The following PSMB7 variants were observed in gnomAD, a reference collection of about 807,000 sequenced individuals.
PSMB7 encodes proteasome subunit beta type-7.
In PSMB7, 5 loss-of-function variants were observed where a neutral mutation model predicts 28.1. That is an observed-to-expected ratio of 0.18 (90% CI 0.09 to 0.37). The LOEUF (loss-of-function observed/expected upper bound fraction) is 0.37. Among genes scored for constraint, PSMB7 ranks in the 10% least tolerant of loss-of-function variants. PSMB7 has a pLI of 1.00. For missense variants in PSMB7, 275 were observed against 346.2 expected (o/e 0.79, Z 1.63); for synonymous variants, 122 against 123.7 (o/e 0.99, Z 0.09).
chr9:124,412,788 G>C (rs1348877530), intron 3 of PSMB7, among the ~76,000 whole-genome samples: 2 of 152,168 alleles, frequency 1.3e-5, no homozygotes, highest in Non-Finnish European at 2.9e-5. Flanking sequence ...TTGTACAGAA[G>C]TGCCAGGTGT....
At chr9:124,363,847 G>C (rs1487910783) in intron 6 of PSMB7, among the ~76,000 whole-genome samples, 1 of 152,136 alleles carries the variant, frequency 6.6e-6, no homozygotes, top group Non-Finnish European at 1.5e-5. Flanking sequence ...CTAGGTCACT[G>C]AGTGATGCCT....
chr9:124,401,891 T>C lies in PSMB7; in HGVS notation c.511+3426A>G, dbSNP rs190137404. Among the ~76,000 whole-genome samples the C allele has an allele frequency of 2.8e-3, 425 of 152,108 alleles. 1 individual carries two copies. The highest frequency in any genetic ancestry group is 9.8e-3 in the African/African-American group (407 of 41,496). On this transcript the variant is annotated intron_variant, in intron 5 of 7. Coordinates refer to ENST00000259457, the MANE Select transcript of PSMB7 (RefSeq NM_002799.4). ...AAAATTAGCTGAGCATGGTGGTGCA[T>C]GCCTATAGTCCCAGCTACTCGGGAG...
intron 3 of PSMB7, 50 bp from the exon 4 acceptor site, chr9:124,412,542 C>T (rs1831039772): frequency 6.3e-7 from 1 of 1,598,444 alleles, no homozygotes; most frequent in Non-Finnish European, 8.6e-7. Flanking sequence ...CCAGAGGGCT[C>T]AATTAGAAGT....
intron 6 of PSMB7, among the ~76,000 whole-genome samples, chr9:124,367,096 T>G (rs991786016): frequency 1.3e-5 from 2 of 150,938 alleles, no homozygotes; most frequent in African/African-American, 4.9e-5. Flanking sequence ...CAGAGAGGAG[T>G]TGATGATAAT....
At chr9:124,387,683 C>T (rs1830740127) in intron 5 of PSMB7, among the ~76,000 whole-genome samples, 1 of 152,150 alleles carries the variant, frequency 6.6e-6, no homozygotes, top group Non-Finnish European at 1.5e-5. Context: ...GAAAGGAGGA[C>T]TTTGGCGCCC....
chr9:124,369,170 CTG>C (rs1830537682), intron 6 of PSMB7, among the ~76,000 whole-genome samples: 1 of 152,184 alleles, frequency 6.6e-6, no homozygotes, highest in Non-Finnish European at 1.5e-5. Context: ...TTTTAAAAAT[CTG>C]TACCACTAGG....
At chr9:124,387,323 ATAACACAC>A (rs1417475990) in intron 5 of PSMB7, among the ~76,000 whole-genome samples, 1 of 152,222 alleles carries the variant, frequency 6.6e-6, no homozygotes, top group East Asian at 1.9e-4. Flanking sequence ...ATAAGTGGAA[ATAACACAC>A]TAAACCCACA....
chr9:124,359,399 C>CT (rs1199418183), intron 6 of PSMB7, among the ~76,000 whole-genome samples: 2 of 152,212 alleles, frequency 1.3e-5, no homozygotes, highest in African/African-American at 4.8e-5. Flanking sequence ...TACCAGCACT[C>CT]TAACGTGCCA....
intron 5 of PSMB7, among the ~76,000 whole-genome samples, chr9:124,403,940 G>A (rs1830937694): frequency 7.1e-6 from 1 of 141,844 alleles, no homozygotes; most frequent in African/African-American, 2.6e-5. Flanking sequence ...TGCCCAAGAT[G>A]TAGTACAATG....
chr9:124,403,648 T>A (rs1476448026), intron 5 of PSMB7, among the ~76,000 whole-genome samples: 1 of 152,216 alleles, frequency 6.6e-6, no homozygotes, highest in Non-Finnish European at 1.5e-5. Flanking sequence ...GCACATGCTT[T>A]ATATACGTTA....
intron 6 of PSMB7, among the ~76,000 whole-genome samples, chr9:124,381,113 C>T (rs933651315): frequency 6.6e-6 from 1 of 152,214 alleles, no homozygotes; most frequent in East Asian, 1.9e-4. Context: ...TCTCAACTGA[C>T]ATTTCAAACG....
At chr9:124,360,473 G>A (rs568929390) in intron 6 of PSMB7, among the ~76,000 whole-genome samples, 5 of 152,364 alleles carry the variant, frequency 3.3e-5, no homozygotes, top group Admixed American at 6.5e-5. Context: ...GCCCAGGTGC[G>A]ATGCTCTCTC....
chr9:124,404,226 C>T (rs557104061), intron 5 of PSMB7, among the ~76,000 whole-genome samples: 1 of 152,112 alleles, frequency 6.6e-6, no homozygotes, highest in Non-Finnish European at 1.5e-5. Context: ...TGCCTCCACC[C>T]CAGCCCCTGC....
At chr9:124,362,238 G>A (rs550971169) in intron 6 of PSMB7, among the ~76,000 whole-genome samples, 11 of 152,284 alleles carry the variant, frequency 7.2e-5, no homozygotes, top group Admixed American at 2.0e-4. Flanking sequence ...GTTATTTGCC[G>A]GCAAATATAT....
In PSMB7 at chr9:124,395,182, T is replaced by TAA. The variant is rs940253753; in HGVS notation, c.511+10134_511+10135insTT. 4.6e-5 allele frequency among the ~76,000 whole-genome samples: 7 copies of TAA among 152,282 alleles called. 1 individual carries two copies. Among genetic ancestry groups the TAA allele is most frequent in the Admixed American group, 6.5e-5 (1 of 15,294 alleles). ...CACAGTCAAACAGCTAAATGAATGT[T>TAA]AGACTTAAGATATGAACCCAGGCTA... On this transcript the variant is annotated intron_variant, in intron 5 of 7. Coordinates refer to ENST00000259457, the MANE Select transcript of PSMB7 (RefSeq NM_002799.4).
chr9:124,389,830 G>A (rs1830766138), intron 5 of PSMB7, among the ~76,000 whole-genome samples: 1 of 152,164 alleles, frequency 6.6e-6, no homozygotes, highest in African/African-American at 2.4e-5. Flanking sequence ...CTGCGCCCCA[G>A]GAGAAGGAGT....
chr9:124,375,129 G>A (rs1008169088), intron 6 of PSMB7, among the ~76,000 whole-genome samples: 6 of 151,904 alleles, frequency 3.9e-5, no homozygotes, highest in East Asian at 1.9e-4. Flanking sequence ...AAAAAGCTAT[G>A]GATCACAATA....
intron 5 of PSMB7, chr9:124,398,544 C>A: frequency 7.6e-6 from 2 of 261,898 alleles, no homozygotes; most frequent in East Asian, 1.5e-4. Context: ...GATATATATG[C>A]ATATATATAG....
intron 4 of PSMB7, 96 bp from the exon 5 acceptor site, chr9:124,405,528 G>C: frequency 1.3e-6 from 1 of 797,770 alleles, no homozygotes; most frequent in Non-Finnish European, 2.1e-6. Context: ...GTAACAAAAA[G>C]TTTTCCTTAA....
Sources: gnomAD v4.1 joint callset for allele counts (sites outside exome capture counted in the v4.1 genomes callset) on GRCh38, gnomAD v4.1.1 for gene constraint, MANE v1.5 for transcripts, NCBI Gene and HGNC (gene_info 2026-07-23, HGNC 2026-07-21) for gene names.